The following CDH4 variants were observed in gnomAD, a reference collection of about 807,000 sequenced individuals.
The protein encoded by CDH4 is cadherin 4.
In CDH4, 33 loss-of-function variants were observed where a neutral mutation model predicts 86.0. The ratio of observed to expected loss-of-function variants is 0.38; its 90% CI spans 0.29 to 0.51. The LOEUF (loss-of-function observed/expected upper bound fraction) is 0.51, where lower values mean the gene tolerates loss of function less well. Among genes scored for constraint, CDH4 ranks in the 20% least tolerant of loss-of-function variants. The pLI is 0.86. For synonymous variants in CDH4, 555 were observed against 549.4 expected (o/e 1.01, Z -0.14); for missense variants, 1,114 against 1,307.4 (o/e 0.85, Z 2.28).
intron 2 of CDH4, among the ~76,000 whole-genome samples, chr20:61,562,697 A>G (rs2086229684): frequency 6.6e-6 from 1 of 152,264 alleles, no homozygotes; most frequent in African/African-American, 2.4e-5. Flanking sequence ...AGTCTGTTCC[A>G]GCTGCTCCCA....
intron 2 of CDH4, among the ~76,000 whole-genome samples, chr20:61,362,673 C>T (rs2084790450): frequency 6.6e-6 from 1 of 152,056 alleles, no homozygotes; most frequent in Admixed American, 6.5e-5. Context: ...GAGGTGAAGA[C>T]ACATCACAGT....
chr20:61,721,697 C>T (rs547090687), intron 2 of CDH4, among the ~76,000 whole-genome samples: 3 of 152,306 alleles, frequency 2.0e-5, no homozygotes, highest in Admixed American at 2.0e-4. Flanking sequence ...TGGTGATATG[C>T]TTCTCTGGAA....
chr20:61,487,867 A>C (rs1414471548), intron 2 of CDH4, among the ~76,000 whole-genome samples: 2 of 152,224 alleles, frequency 1.3e-5, no homozygotes, highest in Non-Finnish European at 2.9e-5. Flanking sequence ...AACAGTCTGC[A>C]TATGCAGTTA....
At chr20:61,325,641 G>C (rs1362968487) in intron 2 of CDH4, among the ~76,000 whole-genome samples, 5 of 152,046 alleles carry the variant, frequency 3.3e-5, no homozygotes, top group Non-Finnish European at 5.9e-5. Context: ...CTGGCCCAGG[G>C]TGGTGCGACT....
intron 2 of CDH4, among the ~76,000 whole-genome samples, chr20:61,455,064 CA>C (rs1164771377): frequency 6.6e-6 from 1 of 152,156 alleles, no homozygotes; most frequent in Non-Finnish European, 1.5e-5. Flanking sequence ...CCAATTCAAG[CA>C]CATTTTCATC....
At chr20:61,770,913 G>A (rs1325483719) in intron 3 of CDH4, among the ~76,000 whole-genome samples, 1 of 149,986 alleles carries the variant, frequency 6.7e-6, no homozygotes, top group Non-Finnish European at 1.5e-5. Context: ...AAGGTAAAAG[G>A]AAGGAAGTAA....
chr20:61,293,817 C>T (rs959594001), intron 2 of CDH4, among the ~76,000 whole-genome samples: 3 of 152,308 alleles, frequency 2.0e-5, no homozygotes, highest in Non-Finnish European at 4.4e-5. Context: ...GCCCAGAGTG[C>T]CTGCTTCTTC....
At chr20:61,854,809 G>C (rs1350891347) in intron 6 of CDH4, among the ~76,000 whole-genome samples, 1 of 148,848 alleles carries the variant, frequency 6.7e-6, no homozygotes, top group Non-Finnish European at 1.5e-5. Context: ...AGTGTGAACA[G>C]GGTGAATTGC....
At chr20:61,577,511 A>G (rs934844796) in intron 2 of CDH4, among the ~76,000 whole-genome samples, 3 of 152,240 alleles carry the variant, frequency 2.0e-5, no homozygotes, top group African/African-American at 4.8e-5. Context: ...TGAAGGATGC[A>G]TGGATGTTTT....
In CDH4 at chr20:61,811,861, G is replaced by A. The variant is rs1320478694; in HGVS notation, c.577-32807G>A. On this transcript the variant is annotated intron_variant, in intron 4 of 15. Coordinates refer to ENST00000614565, the MANE Select transcript of CDH4 (RefSeq NM_001794.5). The surrounding 1 kb of genome is among the most constrained non-coding windows in gnomAD (Gnocchi z 4.4). ...TAATTTTTGTATTTTTAGTAGAGAT[G>A]GGGTTTCACCATGTTGGCCAGGCTG... Among the ~76,000 whole-genome samples, 1 of 151,940 alleles carries A rather than the reference G, an allele frequency of 6.6e-6. No individual in the cohort carries two copies. Among genetic ancestry groups the A allele is most frequent in the Non-Finnish European group, 1.5e-5 (1 of 67,990 alleles).
chr20:61,765,090 GC>G (rs2088682828), intron 3 of CDH4, among the ~76,000 whole-genome samples: 1 of 152,142 alleles, frequency 6.6e-6, no homozygotes, highest in African/African-American at 2.4e-5. Context: ...GGAGCCTCAG[GC>G]CCCCACACCC....
rs80070434 is a variant in CDH4, at chr20:61,829,286, G to A, written c.577-15382G>A. ...GTGGGGTTTGTGTCCGGCTTCTTTC[G>A]CTGAGCATAATGTTTTCAAGGTTCA... On this transcript the variant is annotated intron_variant, in intron 4 of 15. Transcript: ENST00000614565. The surrounding 1 kb of genome is among the most constrained non-coding windows in gnomAD (Gnocchi z 4.2). 3.1e-3 allele frequency among the ~76,000 whole-genome samples: 470 copies of A among 152,324 alleles called. 9 individuals carry two copies. Among genetic ancestry groups the A allele is most frequent in the East Asian group, 0.012 (60 of 5,182 alleles).
chr20:61,463,097 C>T (rs575000441), intron 2 of CDH4, among the ~76,000 whole-genome samples: 1 of 152,280 alleles, frequency 6.6e-6, no homozygotes, highest in South Asian at 2.1e-4. Context: ...GGGAGTCTCC[C>T]TGCACAAACT....
chr20:61,414,923 A>G (rs1282272545), intron 2 of CDH4, among the ~76,000 whole-genome samples: 2 of 152,182 alleles, frequency 1.3e-5, no homozygotes, highest in East Asian at 3.9e-4. Context: ...CCATGCATGC[A>G]GTGGGGGTGT....
intron 2 of CDH4, among the ~76,000 whole-genome samples, chr20:61,309,757 G>T (rs919320399): frequency 6.8e-6 from 1 of 148,090 alleles, no homozygotes; most frequent in Non-Finnish European, 1.5e-5. Context: ...TTCCACAAAA[G>T]CTTCATGAAC....
chr20:61,432,827 T>G (rs1356982322), intron 2 of CDH4, among the ~76,000 whole-genome samples: 1 of 148,410 alleles, frequency 6.7e-6, no homozygotes, highest in African/African-American at 2.5e-5. Flanking sequence ...TACATTTAAA[T>G]CCATGATTTT....
chr20:61,490,368 G>T (rs2085619170), intron 2 of CDH4, among the ~76,000 whole-genome samples: 1 of 152,172 alleles, frequency 6.6e-6, no homozygotes, highest in South Asian at 2.1e-4. Context: ...TCCACTTATA[G>T]GCACCTCTGG....
chr20:61,339,902 G>A (rs942117864), intron 2 of CDH4, among the ~76,000 whole-genome samples: 3 of 152,154 alleles, frequency 2.0e-5, no homozygotes, highest in Non-Finnish European at 2.9e-5. Context: ...TAGAATGTTC[G>A]AAGGGAACAG....
rs869235928 is a variant in CDH4, at chr20:61,422,424, C to CAAAAAAAAAAAAAAAAAAAAAAAAAAAA, written c.169+167503_169+167530dup. Among the ~76,000 whole-genome samples, 7 of 22,260 alleles carry CAAAAAAAAAAAAAAAAAAAAAAAAAAAA rather than the reference C, an allele frequency of 3.1e-4. 3 individuals carry two copies. The highest frequency in any genetic ancestry group is 4.9e-4 in the Non-Finnish European group (6 of 12,296). The allele number at this position is 22,260 out of a possible 152,430, so 14.6% of individuals were successfully genotyped here. A position where few individuals can be genotyped will look rare whatever the true frequency, so the allele number is the denominator to read the frequency against. On this transcript the variant is annotated intron_variant, in intron 2 of 15. Transcript: ENST00000614565. ...GGGCAATAAGAGCAAAACTCCGTCTCAAAAAAAAAAAAAAAAAAAAAAAAA... is the reference window on the plus strand; with the variant it reads ...GGGCAATAAGAGCAAAACTCCGTCTCAAAAAAAAAAAAAAAAAAAAAAAAAAAAAAAAAAAAAAAAAAAAAAAAAAAAA...
Sources: allele counts gnomAD v4.1 joint callset (sites outside exome capture counted in the v4.1 genomes callset), GRCh38; gene constraint gnomAD v4.1.1; non-coding constraint Gnocchi (gnomAD v3.1); transcripts MANE v1.5; gene names NCBI Gene and HGNC (gene_info 2026-07-23, HGNC 2026-07-21).